IL1RAPL2: variants seen among roughly 807,000 people sequenced by gnomAD.
IL1RAPL2 encodes interleukin 1 receptor accessory protein like 2.
IL1RAPL2 carries 3 observed loss-of-function variants against 44.1 expected under a neutral mutation model. The ratio of observed to expected loss-of-function variants is 0.07; its 90% confidence interval spans 0.03 to 0.18. The LOEUF (loss-of-function observed/expected upper bound fraction) is 0.18, where lower values mean the gene tolerates loss of function less well. IL1RAPL2 is among the 10% of genes least tolerant of loss of function. The probability of loss-of-function intolerance (pLI) is 1.00; values close to 1 mark genes in which losing one functional copy is unlikely to be tolerated. For synonymous variants in IL1RAPL2, 181 were observed against 178.8 expected (o/e 1.01, Z -0.10); for missense variants, 391 against 496.4 (o/e 0.79, Z 2.02).
At chrX:105,649,233 C>T (rs1430671386) in intron 6 of IL1RAPL2, among the ~76,000 whole-genome samples, 1 of 110,796 alleles carries the variant, frequency 9.0e-6, no homozygotes, top group East Asian at 2.8e-4. Flanking sequence ...AATATATTCA[C>T]TCAGGGCCCA....
chrX:104,818,870 A>G (rs1404021518), intron 2 of IL1RAPL2, among the ~76,000 whole-genome samples: 1 of 112,183 alleles, frequency 8.9e-6, no homozygotes, highest in Non-Finnish European at 1.9e-5. Context: ...CCAGAGTACA[A>G]TAGAGGGGCA....
chrX:104,569,506 G>A (rs1163656613), intron 1 of IL1RAPL2, among the ~76,000 whole-genome samples: 1 of 112,161 alleles, frequency 8.9e-6, no homozygotes, highest in Non-Finnish European at 1.9e-5. Flanking sequence ...AACTGATGGT[G>A]AGATAACCTG....
chrX:105,673,927 G>A (rs1199699438), intron 6 of IL1RAPL2, among the ~76,000 whole-genome samples: 5 of 111,846 alleles, frequency 4.5e-5, no homozygotes, highest in Non-Finnish European at 9.4e-5. Context: ...CAGTGATGTT[G>A]ATCTTTTTTT....
intron 5 of IL1RAPL2, among the ~76,000 whole-genome samples, chrX:105,446,114 C>T (rs2035952649): frequency 9.0e-6 from 1 of 111,615 alleles, no homozygotes; most frequent in South Asian, 3.7e-4. Context: ...TATCCTTTTG[C>T]AGAATTGCCC....
chrX:105,086,056 C>T (rs1161041107), intron 2 of IL1RAPL2, among the ~76,000 whole-genome samples: 2 of 111,116 alleles, frequency 1.8e-5, no homozygotes, highest in Non-Finnish European at 3.8e-5. Context: ...AGGAACATCT[C>T]TATATAAGTG....
At chrX:104,568,923 G>T (rs1928093310) in intron 1 of IL1RAPL2, among the ~76,000 whole-genome samples, 1 of 111,964 alleles carries the variant, frequency 8.9e-6, no homozygotes, top group Non-Finnish European at 1.9e-5. Context: ...CCTGCTTACA[G>T]TTAGCTCTCC....
At chrX:105,422,592 A>G (rs2035781029) in intron 5 of IL1RAPL2, among the ~76,000 whole-genome samples, 1 of 112,249 alleles carries the variant, frequency 8.9e-6, no homozygotes, top group Admixed American at 9.5e-5. Context: ...AAACAAATAT[A>G]TTCTAAATTT....
At position 105,406,873 on chromosome X, in the gene IL1RAPL2, G is replaced by T. The variant is rs1185545793; in HGVS notation, c.698-77440G>T. ...CCTGAGAGTGGCTACCTTAAAAGAT[G>T]CAAAGTTGAAGAACTGTAACCTCAG... On this transcript the variant is annotated intron_variant, in intron 5 of 10. Transcript: ENST00000372582. The T allele has an allele frequency of 2.6e-6, 3 of 1,143,628 alleles. No homozygotes were observed. In the East Asian group the frequency reaches 9.0e-5, roughly 34 times the overall value. The allele number at this position is 1,143,628 out of a possible 1,213,427, so 94.2% of individuals were successfully genotyped here.
intron 2 of IL1RAPL2, among the ~76,000 whole-genome samples, chrX:105,131,927 A>T (rs1247292870): frequency 2.7e-5 from 3 of 111,533 alleles, no homozygotes; most frequent in Non-Finnish European, 5.7e-5. Context: ...CTAAAAGGGC[A>T]TTGAAATTCT....
chrX:104,578,398 T>A (rs1928281007), intron 1 of IL1RAPL2, among the ~76,000 whole-genome samples: 1 of 112,050 alleles, frequency 8.9e-6, no homozygotes, highest in Non-Finnish European at 1.9e-5. Flanking sequence ...GGTTTTTACA[T>A]GAAGGCAGTG....
At chrX:105,692,195 C>T (rs1193699693) in intron 6 of IL1RAPL2, among the ~76,000 whole-genome samples, 1 of 111,668 alleles carries the variant, frequency 9.0e-6, no homozygotes. Flanking sequence ...CCACAACAAT[C>T]GTTACAACGA....
chrX:105,042,320 T>C (rs374944476), intron 2 of IL1RAPL2, among the ~76,000 whole-genome samples: 1 of 109,689 alleles, frequency 9.1e-6, no homozygotes, highest in South Asian at 4.0e-4. Flanking sequence ...ATTTTTGCAA[T>C]CTACTCATCT....
chrX:105,040,996 G>C (rs754882404), intron 2 of IL1RAPL2, among the ~76,000 whole-genome samples: 15 of 100,210 alleles, frequency 1.5e-4, no homozygotes, highest in South Asian at 5.0e-4. Context: ...GATCTTTCCT[G>C]CTTTCTCTTG....
chrX:105,281,189 C>T (rs2034529399), intron 5 of IL1RAPL2, among the ~76,000 whole-genome samples: 1 of 111,057 alleles, frequency 9.0e-6, no homozygotes, highest in African/African-American at 3.3e-5. Context: ...AACCAAACAC[C>T]GCATGTTCTC....
At chrX:105,142,676 A>G (rs1469861989) in intron 2 of IL1RAPL2, among the ~76,000 whole-genome samples, 2 of 108,721 alleles carry the variant, frequency 1.8e-5, no homozygotes, top group African/African-American at 6.8e-5. Context: ...TGCACGTAAC[A>G]TGCAGGTTTG....
rs138310122 is a variant in IL1RAPL2 at position 105,307,249 on chromosome X, A to T, written c.697+39708A>T. Among the ~76,000 whole-genome samples, 776 of 101,859 alleles carry T rather than the reference A, an allele frequency of 7.6e-3. 11 individuals are homozygous for T. The highest frequency in any genetic ancestry group is 0.027 in the African/African-American group (747 of 27,812). The allele number at this position is 101,859 out of a possible 115,157, so 88.5% of individuals were successfully genotyped here. ...ATCAAACTGCATTGGCAACATAGTG[A>T]GACCACATCTCTCCCAAAAAAAAAA... On this transcript the variant is annotated intron_variant, in intron 5 of 10. Transcript: ENST00000372582.
At chrX:104,982,610 A>T (rs1489824975) in intron 2 of IL1RAPL2, among the ~76,000 whole-genome samples, 1 of 111,696 alleles carries the variant, frequency 9.0e-6, no homozygotes, top group African/African-American at 3.2e-5. Context: ...AAATGGGTAA[A>T]TACAAAACAG....
In IL1RAPL2 at chrX:105,357,296, G is replaced by A. The variant is rs141334210; in HGVS notation, c.697+89755G>A. ...GAAGAATACCTGGCAGAAAGTATTCGTAGAGGGTAGTTATCATTGTTGTCA... is the reference window on the plus strand; with the variant it reads ...GAAGAATACCTGGCAGAAAGTATTCATAGAGGGTAGTTATCATTGTTGTCA... On this transcript the variant is annotated intron_variant, in intron 5 of 10. Transcript: ENST00000372582. Among the ~76,000 whole-genome samples, 598 of 111,687 alleles carry A rather than the reference G, an allele frequency of 5.4e-3. 5 individuals carry two copies. Among genetic ancestry groups the A allele is most frequent in the African/African-American group, 0.018 (557 of 30,821 alleles).
At chrX:105,384,250 A>G (rs770011686) in intron 5 of IL1RAPL2, among the ~76,000 whole-genome samples, 19 of 111,159 alleles carry the variant, frequency 1.7e-4, no homozygotes, top group Non-Finnish European at 2.1e-4. Flanking sequence ...CAGGTCCCAC[A>G]TTTGTCTTTA....
Sources: allele counts gnomAD v4.1 joint callset (sites outside exome capture counted in the v4.1 genomes callset), GRCh38; gene constraint gnomAD v4.1.1; transcripts MANE v1.5; gene names NCBI Gene and HGNC (gene_info 2026-07-23, HGNC 2026-07-21).